TMEM170B: variants seen among roughly 807,000 people sequenced by gnomAD.
TMEM170B encodes the protein transmembrane protein 170B.
A neutral mutation model predicts 13.0 loss-of-function variants in TMEM170B; 6 were observed. That is an observed-to-expected ratio of 0.46 (90% CI 0.25 to 0.91). The LOEUF is 0.91. Ranked by LOEUF, TMEM170B falls within the 40% of genes least tolerant of loss-of-function variation. TMEM170B has a pLI of 0.17. For missense variants in TMEM170B, 138 were observed against 165.2 expected, an observed-to-expected ratio of 0.84 and a Z score of 0.90; for synonymous variants, 61 against 64.9, an observed-to-expected ratio of 0.94 and a Z score of 0.29.
At chr6:11,558,200 T>G (rs1181134243) in intron 1 of TMEM170B, among the ~76,000 whole-genome samples, 2 of 152,206 alleles carry the variant, frequency 1.3e-5, no homozygotes, top group Non-Finnish European at 2.9e-5. Context: ...TTTAAAGTTT[T>G]TATTGGGTCC....
intron 1 of TMEM170B, among the ~76,000 whole-genome samples, chr6:11,544,457 A>G (rs1029051508): frequency 6.6e-6 from 1 of 152,248 alleles, no homozygotes; most frequent in Non-Finnish European, 1.5e-5. Context: ...CTGAAGATGT[A>G]TGAATGGAAC....
rs1276176516 is a variant in TMEM170B, at chr6:11,575,402, C to T, written c.269-29C>T. The T allele has an allele frequency of 6.2e-7, 1 of 1,612,478 alleles. No homozygotes were observed. Among genetic ancestry groups the T allele is most frequent in the Admixed American group, 1.7e-5 (1 of 59,938 alleles). On this transcript the variant is annotated intron_variant, in intron 2 of 2. Coordinates refer to ENST00000379426, the MANE Select transcript of TMEM170B (RefSeq NM_001100829.3). This position sits in a 1 kb window ranked among gnomAD's most constrained non-coding sequence, Gnocchi z 4.1. Reference sequence around the variant, plus strand: ...TGTGTTATAAAACGAGTGACTGTATCCCTTCATTTTTCTCCCGTTTCTCCT... The same window carrying T: ...TGTGTTATAAAACGAGTGACTGTATTCCTTCATTTTTCTCCCGTTTCTCCT...
In TMEM170B at chr6:11,538,053, C is replaced by T. The variant is rs1190996672; in HGVS notation, c.-225C>T. On this transcript the variant is annotated 5_prime_UTR_variant, in exon 1 of 3. Coordinates refer to ENST00000379426, the MANE Select transcript of TMEM170B (RefSeq NM_001100829.3). ...CCCTCCTTCCTCCGTCCGCCGTCCTCAATGTCTCCCCGGCGGGGAGGGGGC... is the reference window on the plus strand; with the variant it reads ...CCCTCCTTCCTCCGTCCGCCGTCCTTAATGTCTCCCCGGCGGGGAGGGGGC... Among the ~76,000 whole-genome samples, 1 of 151,252 alleles carries T rather than the reference C, an allele frequency of 6.6e-6. No homozygotes were observed. Among genetic ancestry groups the T allele is most frequent in the Non-Finnish European group, 1.5e-5 (1 of 67,658 alleles).
chr6:11,554,378 G>T (rs1209672408), intron 1 of TMEM170B, among the ~76,000 whole-genome samples: 1 of 151,658 alleles, frequency 6.6e-6, no homozygotes, highest in East Asian at 1.9e-4. Flanking sequence ...TTTCATACTA[G>T]ATTCAGATTT....
At chr6:11,573,062 G>T (rs1223780731) in intron 2 of TMEM170B, among the ~76,000 whole-genome samples, 3 of 152,094 alleles carry the variant, frequency 2.0e-5, no homozygotes, top group Non-Finnish European at 2.9e-5. Context: ...ATGTATATAT[G>T]TGTGTTTATA....
At position 11,576,713 on chromosome 6, in the gene TMEM170B, G is replaced by T. The variant is rs987039402; in HGVS notation, c.*1152G>T. 2 of 152,082 alleles carry T rather than the reference G, an allele frequency of 1.3e-5. No individual in the cohort carries two copies. Among genetic ancestry groups the T allele is most frequent in the African/African-American group, 4.8e-5 (2 of 41,424 alleles). The allele number at this position is 152,082 out of a possible 1,614,324, so 9.4% of individuals were successfully genotyped here. ...ATCATAATTTTGCTAAGTAAAAATTGGGGAATATAGTAGATAATTTTAAAA... is the reference window on the plus strand; with the variant it reads ...ATCATAATTTTGCTAAGTAAAAATTTGGGAATATAGTAGATAATTTTAAAA... On this transcript the variant is annotated 3_prime_UTR_variant, in exon 3 of 3. Coordinates refer to ENST00000379426, the MANE Select transcript of TMEM170B (RefSeq NM_001100829.3).
intron 1 of TMEM170B, among the ~76,000 whole-genome samples, chr6:11,547,587 G>A (rs546043694): frequency 2.6e-5 from 4 of 152,130 alleles, no homozygotes; most frequent in Admixed American, 6.5e-5. Flanking sequence ...AGTATGATAT[G>A]GCCTTCATAG....
intron 2 of TMEM170B, among the ~76,000 whole-genome samples, 191 bp downstream of exon 2, chr6:11,566,027 G>A (rs1346053466): frequency 1.3e-5 from 2 of 152,160 alleles, no homozygotes; most frequent in African/African-American, 4.8e-5. Context: ...TTGTAATTCT[G>A]CTGTGTGAAG....
At chr6:11,560,348 A>G (rs1275808315) in intron 1 of TMEM170B, among the ~76,000 whole-genome samples, 1 of 137,092 alleles carries the variant, frequency 7.3e-6, no homozygotes, top group Non-Finnish European at 1.6e-5. Flanking sequence ...TTTTTTTTTA[A>G]TTTTTAGTAG....
Position 11,575,524 on chromosome 6 carries a change from T to C in TMEM170B, c.362T>C (p.Leu121Ser). 6.2e-7 allele frequency: 1 copy of C among 1,613,378 alleles called. No homozygotes were observed. ...VWGVGQTVLT[L>S]IISFSRILAT... is the part of the protein sequence containing the mutation. ...GGCGTTGGACAGACTGTACTGACAT[T>C]AATCATCTCCTTTTCAAGGATCCTC... is the stretch of plus-strand genomic sequence containing the variant. The change falls in exon 3 of 3, where the codon TTA (leucine) becomes TCA (serine). Residue 121 changes from leucine (L) to serine (S), a missense_variant. Leu to Ser is a moderately radical substitution (Grantham distance 145). Transcript: ENST00000379426. The surrounding 1 kb of genome is among the most constrained non-coding windows in gnomAD (Gnocchi z 4.1).
chr6:11,556,239 A>G (rs1190781503), intron 1 of TMEM170B, among the ~76,000 whole-genome samples: 1 of 152,172 alleles, frequency 6.6e-6, no homozygotes, highest in Admixed American at 6.5e-5. Flanking sequence ...TTAGACCAAT[A>G]GTGAGAATTG....
intron 1 of TMEM170B, among the ~76,000 whole-genome samples, chr6:11,554,221 C>T (rs554242886): frequency 7.2e-5 from 11 of 152,022 alleles, no homozygotes; most frequent in African/African-American, 2.4e-4. Flanking sequence ...GATTGTAAAA[C>T]ATTTTATCCT....
At chr6:11,571,106 A>AT (rs950846768) in intron 2 of TMEM170B, among the ~76,000 whole-genome samples, 19 of 147,222 alleles carry the variant, frequency 1.3e-4, no homozygotes, top group South Asian at 6.5e-4. Context: ...ACCTTGTTCT[A>AT]TTTTTTTTTC....
In TMEM170B at chr6:11,580,589, T is replaced by G. The variant is rs1759942731; in HGVS notation, c.*5028T>G. 2.6e-5 allele frequency: 4 copies of G among 152,224 alleles called. No homozygotes were observed. Among genetic ancestry groups the G allele is most frequent in the Admixed American group, 2.6e-4 (4 of 15,286 alleles). The allele number at this position is 152,224 out of a possible 1,614,324, so 9.4% of individuals were successfully genotyped here. A position where few individuals can be genotyped will look rare whatever the true frequency, so the allele number is the denominator to read the frequency against. ...TAACTGGGTAAATTACTATTTCTTT[T>G]AATAATCGGGTGAAACTCTGAATTG... On this transcript the variant is annotated 3_prime_UTR_variant, in exon 3 of 3. Coordinates refer to ENST00000379426, the MANE Select transcript of TMEM170B (RefSeq NM_001100829.3).
In TMEM170B at chr6:11,576,053, A is replaced by C. The variant is rs1408674580; in HGVS notation, c.*492A>C. ...GTTCGGTAACACTAAATCCCGTATG[A>C]GTGCTAAATACTGAATTGTTTAATA... On this transcript the variant is annotated 3_prime_UTR_variant, in exon 3 of 3. Transcript: ENST00000379426. The C allele has an allele frequency of 6.5e-6, 1 of 152,828 alleles. No individual in the cohort carries two copies. Among genetic ancestry groups the C allele is most frequent in the Non-Finnish European group, 1.5e-5 (1 of 68,446 alleles). 9.5% of individuals were successfully genotyped at this position (152,828 alleles called of 1,614,324 possible).
At chr6:11,566,016 G>T (rs562497860) in intron 2 of TMEM170B, among the ~76,000 whole-genome samples, 180 bp downstream of exon 2, 1 of 152,160 alleles carries the variant, frequency 6.6e-6, no homozygotes, top group Non-Finnish European at 1.5e-5. Context: ...CAGACAAGTC[G>T]TTGTAATTCT....
Position 11,545,280 on chromosome 6 carries a change from C to CTCTGTGTGTGTG in TMEM170B, c.97+6907_97+6908insCTGTGTGTGTGT, listed in dbSNP as rs1442789332. 6.7e-4 allele frequency among the ~76,000 whole-genome samples: 93 copies of CTCTGTGTGTGTG among 139,810 alleles called. 1 individual carries two copies. The highest frequency in any genetic ancestry group is 1.1e-3 in the Admixed American group (15 of 14,028). 91.7% of individuals were successfully genotyped at this position (139,810 alleles called of 152,430 possible). A position where few individuals can be genotyped will look rare whatever the true frequency, so the allele number is the denominator to read the frequency against. On this transcript the variant is annotated intron_variant, in intron 1 of 2. Coordinates refer to ENST00000379426, the MANE Select transcript of TMEM170B (RefSeq NM_001100829.3). ...TTAAAAGGCTTCTCTCTCTCTCTCT[C>CTCTGTGTGTGTG]TGTGTGTGTGTGTGTGTGTGTGTGT...
chr6:11,541,694 G>T (rs147424452), intron 1 of TMEM170B, among the ~76,000 whole-genome samples: 107 of 152,260 alleles, frequency 7.0e-4, no homozygotes, highest in African/African-American at 2.3e-3. Context: ...GGTACGAGAG[G>T]CCTAGCTTTC....
chr6:11,557,334 T>C (rs551569794), intron 1 of TMEM170B, among the ~76,000 whole-genome samples: 1 of 152,352 alleles, frequency 6.6e-6, no homozygotes, highest in East Asian at 1.9e-4. Flanking sequence ...GCATAGATTT[T>C]AAATTCTACA....
Sources: allele counts gnomAD v4.1 joint callset (sites outside exome capture counted in the v4.1 genomes callset), GRCh38; gene constraint gnomAD v4.1.1; non-coding constraint Gnocchi (gnomAD v3.1); transcripts MANE v1.5; gene names NCBI Gene and HGNC (gene_info 2026-07-23, HGNC 2026-07-21).